Variants in CTNNA3 observed in about 807,000 individuals in gnomAD.
CTNNA3 encodes catenin alpha-3.
A neutral mutation model predicts 95.7 loss-of-function variants in CTNNA3; 76 were observed. The ratio of observed to expected loss-of-function variants is 0.79; its 90% CI spans 0.66 to 0.96. The LOEUF is 0.96. CTNNA3 is among the 40% of genes least tolerant of loss of function. The pLI, the probability that CTNNA3 is intolerant of heterozygous loss-of-function variation, is 0.00. For missense variants in CTNNA3, 1,191 were observed against 1,089.8 expected (o/e 1.09, Z -1.31); for synonymous variants, 431 against 374.4 (o/e 1.15, Z -1.74).
At chr10:67,705,305 GC>G (rs1841071238) in intron 1 of CTNNA3, among the ~76,000 whole-genome samples, 1 of 151,956 alleles carries the variant, frequency 6.6e-6, no homozygotes, top group African/African-American at 2.4e-5. Context: ...TATAAATCAT[GC>G]TGCTATAAAG....
intron 5 of CTNNA3, among the ~76,000 whole-genome samples, chr10:67,313,837 A>G (rs1221603620): frequency 6.6e-6 from 1 of 152,240 alleles, no homozygotes; most frequent in African/African-American, 2.4e-5. Context: ...AACAAGGTCA[A>G]ACAGCATATA....
intron 15 of CTNNA3, among the ~76,000 whole-genome samples, chr10:65,995,368 C>G (rs1309195103): frequency 6.6e-6 from 1 of 152,086 alleles, no homozygotes; most frequent in African/African-American, 2.4e-5. Flanking sequence ...TAGTTTGATT[C>G]TGGGTGCATG....
At chr10:66,305,446 C>A (rs1364330318) in intron 12 of CTNNA3, among the ~76,000 whole-genome samples, 1 of 152,148 alleles carries the variant, frequency 6.6e-6, no homozygotes, top group Admixed American at 6.5e-5. Context: ...GTGGACTCTG[C>A]ATTTGGCTCA....
intron 9 of CTNNA3, among the ~76,000 whole-genome samples, chr10:66,650,955 C>T (rs1476111654): frequency 7.9e-5 from 12 of 152,158 alleles, no homozygotes; most frequent in African/African-American, 2.9e-4. Context: ...GGGCAGCCTC[C>T]TTTTATTCCC....
rs1564755990 is a variant in CTNNA3 at position 66,199,787 on chromosome 10, ATATATATATATATATATATTTTTTT to A, written c.1884+80658_1884+80682del. ...TGGCTATATATATATATATATATATATATATATATATATATATATTTTTTTTTTTTTTTTTTTTTTTTTTTTAGTA... is the reference window on the plus strand; with the variant it reads ...TGGCTATATATATATATATATATATATTTTTTTTTTTTTTTTTTTTTAGTA... On this transcript the variant is annotated intron_variant, in intron 13 of 17. Transcript: ENST00000433211. 2.5e-4 allele frequency among the ~76,000 whole-genome samples: 3 copies of A among 12,244 alleles called. 1 individual carries two copies. The highest frequency in any genetic ancestry group is 3.6e-4 in the African/African-American group (1 of 2,812). The allele number at this position is 12,244 out of a possible 152,430, so 8.0% of individuals were successfully genotyped here. A position where few individuals can be genotyped will look rare whatever the true frequency, so the allele number is the denominator to read the frequency against.
intron 12 of CTNNA3, among the ~76,000 whole-genome samples, chr10:66,344,731 G>A (rs1400850179): frequency 6.6e-6 from 1 of 151,980 alleles, no homozygotes; most frequent in Non-Finnish European, 1.5e-5. Flanking sequence ...GATTTCTATA[G>A]AAGGAAACAT....
chr10:66,491,174 G>T (rs139621040), intron 11 of CTNNA3, among the ~76,000 whole-genome samples: 1 of 152,062 alleles, frequency 6.6e-6, no homozygotes, highest in African/African-American at 2.4e-5. Flanking sequence ...TATTTATGTT[G>T]CTCTCAATCC....
At chr10:66,893,238 T>C (rs1845343155) in intron 7 of CTNNA3, among the ~76,000 whole-genome samples, 1 of 152,088 alleles carries the variant, frequency 6.6e-6, no homozygotes, top group South Asian at 2.1e-4. Flanking sequence ...CAAAAATATT[T>C]TGAAATGCAG....
chr10:67,468,567 G>C (rs1384446410), intron 5 of CTNNA3, among the ~76,000 whole-genome samples: 1 of 152,102 alleles, frequency 6.6e-6, no homozygotes, highest in African/African-American at 2.4e-5. Context: ...GAGGCACTCA[G>C]GCCCCCTCAC....
At chr10:66,868,224 G>A (rs1465525480) in intron 7 of CTNNA3, among the ~76,000 whole-genome samples, 1 of 150,556 alleles carries the variant, frequency 6.6e-6, no homozygotes, top group African/African-American at 2.5e-5. Context: ...GGGCATGGGG[G>A]TGTGGTAGCT....
chr10:66,062,323 C>G (rs898134474), intron 15 of CTNNA3, among the ~76,000 whole-genome samples: 2 of 151,950 alleles, frequency 1.3e-5, no homozygotes, highest in Non-Finnish European at 2.9e-5. Flanking sequence ...AACTATAGAG[C>G]TATTTAAAAT....
chr10:67,283,236 G>A (rs1273581123), intron 5 of CTNNA3, among the ~76,000 whole-genome samples: 1 of 152,192 alleles, frequency 6.6e-6, no homozygotes, highest in Non-Finnish European at 1.5e-5. Context: ...TGATGGTAAG[G>A]TGGTTGTTAT....
chr10:67,404,681 A>C (rs1319499250), intron 5 of CTNNA3, among the ~76,000 whole-genome samples: 2 of 152,198 alleles, frequency 1.3e-5, no homozygotes, highest in African/African-American at 4.8e-5. Context: ...ACAGAAGCCA[A>C]CATTCAAATT....
rs1260327302 is a variant in CTNNA3, at chr10:66,817,597, C to T, written c.1048-42073G>A. Among the ~76,000 whole-genome samples the T allele has an allele frequency of 2.6e-5, 4 of 151,912 alleles. No homozygotes were observed. In the East Asian group the frequency reaches 5.8e-4, roughly 22 times the overall value. On this transcript the variant is annotated intron_variant, in intron 7 of 17. Coordinates refer to ENST00000433211, the MANE Select transcript of CTNNA3 (RefSeq NM_013266.4). ...ACAGACAATTCCTAGAAACTAGCTA[C>T]ACTCAGGGAGCAACAGGCAAATGAA...
intron 1 of CTNNA3, among the ~76,000 whole-genome samples, chr10:67,685,356 A>G (rs373705185): frequency 6.6e-6 from 1 of 152,380 alleles, no homozygotes; most frequent in Non-Finnish European, 1.5e-5. Context: ...ACATTTAAGC[A>G]GACCAATTAT....
At position 66,120,694 on chromosome 10, in the gene CTNNA3, T is replaced by G. The variant is rs182882803; in HGVS notation, c.1885-17445A>C. On this transcript the variant is annotated intron_variant, in intron 13 of 17. Transcript: ENST00000433211. The stretch of plus-strand genomic sequence containing the variant: ...TATTGCTTTTTTACTTTCACTCACA[T>G]TTTGTTTTGTTAGATAATTGAAAAC... Among the ~76,000 whole-genome samples, 425 of 152,322 alleles carry G rather than the reference T, an allele frequency of 2.8e-3. 1 individual carries two copies. Among genetic ancestry groups the G allele is most frequent in the African/African-American group, 9.3e-3 (387 of 41,576 alleles).
intron 7 of CTNNA3, among the ~76,000 whole-genome samples, chr10:66,840,262 C>T (rs936288557): frequency 6.6e-6 from 1 of 151,218 alleles, no homozygotes; most frequent in African/African-American, 2.4e-5. Flanking sequence ...TAATGTCAGG[C>T]AGACTCTGGC....
chr10:66,511,373 C>A (rs1840652279), intron 11 of CTNNA3, among the ~76,000 whole-genome samples: 1 of 151,424 alleles, frequency 6.6e-6, no homozygotes, highest in Non-Finnish European at 1.5e-5. Flanking sequence ...TTGTTTCATT[C>A]TGTGCTGATC....
chr10:67,409,413 GAACAAGA>G lies in CTNNA3; in HGVS notation c.579+112422_579+112428del, dbSNP rs1310123935. Among the ~76,000 whole-genome samples the G allele has an allele frequency of 3.9e-5, 6 of 152,138 alleles. No individual in the cohort carries two copies. The South Asian group carries it at 1.2e-3, about 32-fold the overall frequency. On this transcript the variant is annotated intron_variant, in intron 5 of 17. Transcript: ENST00000433211. ...TGGAATACTATGCAGCCATAAAAAG[GAACAAGA>G]TCGTGTCCTTTGCAGGAACATGGAT...
Sources: allele counts gnomAD v4.1 joint callset (sites outside exome capture counted in the v4.1 genomes callset), GRCh38; gene constraint gnomAD v4.1.1; transcripts MANE v1.5; gene names NCBI Gene and HGNC (gene_info 2026-07-23, HGNC 2026-07-21).